The following COA1 variants were observed in gnomAD, a reference collection of about 807,000 sequenced individuals.
The protein encoded by COA1 is cytochrome c oxidase assembly factor 1 homolog.
Under a neutral mutation model 16.0 loss-of-function variants are expected in COA1, and 13 were observed. The observed-to-expected ratio is 0.81, with a 90% confidence interval of 0.53 to 1.29. COA1 has a LOEUF of 1.29. Ranked by LOEUF, COA1 falls within the 50% of genes most tolerant of loss-of-function variation. COA1 has a pLI of 0.00. For missense variants in COA1, 179 were observed against 177.0 expected (o/e 1.01, Z -0.06); for synonymous variants, 65 against 65.7 (o/e 0.99, Z 0.05).
At chr7:43,638,279 G>GA (rs2086247525), downstream of COA1, among the ~76,000 whole-genome samples, 1 of 150,876 alleles carries the variant, frequency 6.6e-6, no homozygotes, top group Non-Finnish European at 1.5e-5. Context: ...AAGAATGTAG[G>GA]AAGAGAGCTC....
In COA1 at chr7:43,718,361, C is replaced by T. The variant is rs191998334; in HGVS notation, c.-39+11068G>A. 3.3e-5 allele frequency among the ~76,000 whole-genome samples: 5 copies of T among 152,290 alleles called. No individual in the cohort carries two copies. In the East Asian group the frequency reaches 9.6e-4, roughly 29 times the overall value. On this transcript the variant is annotated intron_variant, in intron 1 of 5. Transcript: ENST00000223336. ...GAGATGTACAACTTAAGGTTTTAGT[C>T]GGTGTCAGCATGTCCTGCTCTTGCT...
chr7:43,713,197 C>T (rs1481314722), intron 1 of COA1, among the ~76,000 whole-genome samples: 1 of 152,130 alleles, frequency 6.6e-6, no homozygotes, highest in Admixed American at 6.5e-5. Flanking sequence ...AGTAATCTGC[C>T]CACCTTGGCC....
At chr7:43,631,992 TTAAAG>T (rs748713615) in intron 6 of COA1, 5 of 152,238 alleles carry the variant, frequency 3.3e-5, no homozygotes, top group Admixed American at 2.0e-4. Context: ...TGGCAGTTTC[TTAAAG>T]TAAGACAACA....
At chr7:43,615,081 C>G (rs1030156963) in intron 6 of COA1, among the ~76,000 whole-genome samples, 3 of 152,196 alleles carry the variant, frequency 2.0e-5, no homozygotes, top group Non-Finnish European at 4.4e-5. Context: ...GCAAAACATT[C>G]AATTATGAAT....
At chr7:43,704,355 T>C (rs1350486655) in intron 1 of COA1, among the ~76,000 whole-genome samples, 4 of 152,188 alleles carry the variant, frequency 2.6e-5, no homozygotes, top group Non-Finnish European at 4.4e-5. Context: ...TAAATTTGCA[T>C]GTCCCTCTAT....
In COA1 at chr7:43,712,079, T is replaced by TC. The variant is rs2095267799; in HGVS notation, c.-39+17349dup. On this transcript the variant is annotated intron_variant, in intron 1 of 5. Transcript: ENST00000223336. ...TTTAATCATTCCCTTGCTTTTCTTT[T>TC]CTTCTTTTGTTTTTCTTCTATCCCT... Among the ~76,000 whole-genome samples, 3 of 152,222 alleles carry TC rather than the reference T, an allele frequency of 2.0e-5. No homozygotes were observed. In the South Asian group the frequency reaches 6.2e-4, roughly 32 times the overall value.
chr7:43,637,668 T>C (rs902552921), downstream of COA1, among the ~76,000 whole-genome samples: 11 of 152,128 alleles, frequency 7.2e-5, no homozygotes, highest in African/African-American at 2.7e-4. Context: ...CTGTTCAGAA[T>C]CACCCATAAA....
chr7:43,720,023 AATCCCAGC>A (rs2095474875), intron 1 of COA1, among the ~76,000 whole-genome samples: 2 of 152,246 alleles, frequency 1.3e-5, no homozygotes, highest in African/African-American at 4.8e-5. Flanking sequence ...TCACACCTGT[AATCCCAGC>A]ACTTTGGGAG....
chr7:43,642,040 G>A (rs149047058), intron 4 of COA1: 1,792 of 152,308 alleles, frequency 0.012, 36 homozygotes, highest in Non-Finnish European at 0.016. Context: ...GCCACCAAGA[G>A]AAGAAACTAC....
rs2088138412 is a variant in COA1, at chr7:43,644,446, T to G, written c.264+805A>C. On this transcript the variant is annotated intron_variant, in intron 4 of 5. Coordinates refer to ENST00000223336, the MANE Select transcript of COA1 (RefSeq NM_018224.4). The stretch of plus-strand genomic sequence containing the variant: ...ATGGGTTGGTATTCTGTGGAAGCAA[T>G]GTAAATAAATACACTTTAAAAATCA... Among the ~76,000 whole-genome samples, 3 of 152,116 alleles carry G rather than the reference T, an allele frequency of 2.0e-5. No individual in the cohort carries two copies. In the South Asian group the frequency reaches 6.2e-4, roughly 31 times the overall value.
chr7:43,615,655 C>T (rs1429516565), intron 6 of COA1, among the ~76,000 whole-genome samples: 1 of 152,114 alleles, frequency 6.6e-6, no homozygotes, highest in East Asian at 1.9e-4. Flanking sequence ...GCCTACAAAG[C>T]CCTGTGATCT....
chr7:43,671,006 C>T (rs1584773180), intron 1 of COA1, among the ~76,000 whole-genome samples: 1 of 152,220 alleles, frequency 6.6e-6, no homozygotes, highest in East Asian at 1.9e-4. Context: ...AACAGGAGTA[C>T]CAAGACAATA....
intron 1 of COA1, 32 bp from the exon 2 acceptor site, chr7:43,648,684 A>C: frequency 6.5e-7 from 1 of 1,532,090 alleles, no homozygotes; most frequent in Non-Finnish European, 9.0e-7. Context: ...CATTAAAATC[A>C]TATTTTTAAA....
At chr7:43,709,043 A>G (rs1009987610) in intron 1 of COA1, among the ~76,000 whole-genome samples, 3 of 136,136 alleles carry the variant, frequency 2.2e-5, no homozygotes, top group Non-Finnish European at 4.8e-5. Flanking sequence ...TTTTTTTTTG[A>G]GACAGAGTCT....
Position 43,639,498 on chromosome 7 carries a change from T to G in COA1, c.*84A>C. The G allele has an allele frequency of 9.1e-7, 1 of 1,097,592 alleles. No individual in the cohort carries two copies. The highest frequency in any genetic ancestry group is 1.4e-6 in the Non-Finnish European group (1 of 721,116). 68.0% of individuals were successfully genotyped at this position (1,097,592 alleles called of 1,614,324 possible). A position where few individuals can be genotyped will look rare whatever the true frequency, so the allele number is the denominator to read the frequency against. ...ACTGGGTTGCAGGAGTGTCTGTCAC[T>G]GAGATGGGCCACCACCCCAGTGGCC... On this transcript the variant is annotated 3_prime_UTR_variant, in exon 6 of 6. Coordinates refer to ENST00000223336, the MANE Select transcript of COA1 (RefSeq NM_018224.4).
chr7:43,663,666 CAAAAAAAAA>C (rs759423078), intron 1 of COA1, among the ~76,000 whole-genome samples: 2 of 70,640 alleles, frequency 2.8e-5, no homozygotes, highest in Non-Finnish European at 4.9e-5. Flanking sequence ...GACCCTATCT[CAAAAAAAAA>C]AAAAAAAAAA....
At chr7:43,669,985 T>C (rs574786673) in intron 1 of COA1, among the ~76,000 whole-genome samples, 13 of 152,100 alleles carry the variant, frequency 8.5e-5, no homozygotes, top group East Asian at 5.8e-4. Flanking sequence ...AAGTACCAAA[T>C]AGAAATCTGG....
chr7:43,659,552 C>T (rs569802602), intron 1 of COA1, among the ~76,000 whole-genome samples: 42 of 152,170 alleles, frequency 2.8e-4, no homozygotes, highest in African/African-American at 1.0e-3. Flanking sequence ...TAGGGCAAAC[C>T]CTATTAAACA....
At chr7:43,722,386 C>A (rs930946981) in intron 1 of COA1, among the ~76,000 whole-genome samples, 1 of 152,032 alleles carries the variant, frequency 6.6e-6, no homozygotes, top group East Asian at 1.9e-4. Context: ...TGAGCCACCA[C>A]GCCTGGCTAG....
Sources: allele counts gnomAD v4.1 joint callset (sites outside exome capture counted in the v4.1 genomes callset), GRCh38; gene constraint gnomAD v4.1.1; transcripts MANE v1.5; gene names NCBI Gene and HGNC (gene_info 2026-07-23, HGNC 2026-07-21).